Variants in KIRREL3 observed in about 807,000 individuals in gnomAD.
KIRREL3 encodes kirre like nephrin family adhesion molecule 3.
KIRREL3 carries 36 observed loss-of-function variants against 89.7 expected under a neutral mutation model. The ratio of observed to expected loss-of-function variants is 0.40; its 90% CI spans 0.31 to 0.53. The LOEUF (loss-of-function observed/expected upper bound fraction) is 0.53, where lower values mean the gene tolerates loss of function less well. Among genes scored for constraint, KIRREL3 ranks in the 20% least tolerant of loss-of-function variants. The probability of loss-of-function intolerance (pLI) is 0.49; values close to 1 mark genes in which losing one functional copy is unlikely to be tolerated. For missense variants in KIRREL3, 864 were observed against 1,056.6 expected, an observed-to-expected ratio of 0.82 and a Z score of 2.53; for synonymous variants, 445 against 441.4, an observed-to-expected ratio of 1.01 and a Z score of -0.10.
rs1481947625 is a variant in KIRREL3, at chr11:126,501,168, CACTTT to C, written c.433+20142_433+20146del. The stretch of plus-strand genomic sequence containing the variant: ...ACTGGTGGACAGCTGGTCCGTCCCA[CACTTT>C]TCTCTGCACGTCTGAGGAGTCCAGG... On this transcript the variant is annotated intron_variant, in intron 4 of 16. Transcript: ENST00000525144. This position sits in a 1 kb window ranked among gnomAD's most constrained non-coding sequence, Gnocchi z 5.8. 6.6e-6 allele frequency among the ~76,000 whole-genome samples: 1 copy of C among 152,232 alleles called. No homozygotes were observed. The highest frequency in any genetic ancestry group is 1.5e-5 in the Non-Finnish European group (1 of 68,042).
intron 1 of KIRREL3, among the ~76,000 whole-genome samples, chr11:126,718,401 A>C (rs1437135395): frequency 6.6e-6 from 1 of 152,260 alleles, no homozygotes. Context: ...TGCCATAGAA[A>C]GATGACTCAC....
intron 1 of KIRREL3, among the ~76,000 whole-genome samples, chr11:126,927,800 T>C (rs945772460): frequency 1.3e-5 from 2 of 152,200 alleles, no homozygotes; most frequent in Admixed American, 1.3e-4. Flanking sequence ...TAGCTCTTCT[T>C]AGAAGGTGTG....
rs1459890179 is a variant in KIRREL3 at position 126,814,874 on chromosome 11, G to A, written c.55+185581C>T. ...TTCATCGGTGCAGCGAACCACCATG[G>A]CACACGTATCTATGTAACAAACCTG... On this transcript the variant is annotated intron_variant, in intron 1 of 16. Coordinates refer to ENST00000525144, the MANE Select transcript of KIRREL3 (RefSeq NM_032531.4). The surrounding 1 kb of genome is among the most constrained non-coding windows in gnomAD (Gnocchi z 4.4). Among the ~76,000 whole-genome samples the A allele has an allele frequency of 6.6e-6, 1 of 152,114 alleles. No homozygotes were observed. Among genetic ancestry groups the A allele is most frequent in the African/African-American group, 2.4e-5 (1 of 41,396 alleles).
At position 126,578,233 on chromosome 11, in the gene KIRREL3, C is replaced by G. The variant is rs527876042; in HGVS notation, c.56-15321G>C. ...TAAACAACCCTTAGGATGTTTCGGT[C>G]CTGGGATGCTTGCAGCCCAGGAAAT... On this transcript the variant is annotated intron_variant, in intron 1 of 16. Transcript: ENST00000525144. This position sits in a 1 kb window ranked among gnomAD's most constrained non-coding sequence, Gnocchi z 4.9. Among the ~76,000 whole-genome samples, 3 of 152,290 alleles carry G rather than the reference C, an allele frequency of 2.0e-5. No individual in the cohort carries two copies. The East Asian group carries it at 5.8e-4, about 29-fold the overall frequency.
chr11:126,725,477 C>A (rs1304138252), intron 1 of KIRREL3, among the ~76,000 whole-genome samples: 1 of 152,236 alleles, frequency 6.6e-6, no homozygotes, highest in African/African-American at 2.4e-5. Flanking sequence ...CATCTCCATA[C>A]ATCTCATTGT....
Position 126,830,182 on chromosome 11 carries a change from T to TAATC in KIRREL3, c.55+170269_55+170272dup, listed in dbSNP as rs1306637081. 2.6e-5 allele frequency among the ~76,000 whole-genome samples: 4 copies of TAATC among 152,234 alleles called. No homozygotes were observed. The East Asian group carries it at 7.7e-4, about 29-fold the overall frequency. On this transcript the variant is annotated intron_variant, in intron 1 of 16. Transcript: ENST00000525144. This position sits in a 1 kb window ranked among gnomAD's most constrained non-coding sequence, Gnocchi z 4.9. ...TTGTTCATGAATGAACAACCCTTGC[T>TAATC]AATCACTCTGGTCAATATTTATCAT...
At chr11:126,939,104 G>A (rs1055580976) in intron 1 of KIRREL3, among the ~76,000 whole-genome samples, 2 of 152,230 alleles carry the variant, frequency 1.3e-5, no homozygotes, top group African/African-American at 2.4e-5. Context: ...AGTATTGGTA[G>A]TTTCTAGTAG....
chr11:126,557,464 T>A lies in KIRREL3; in HGVS notation c.133+5371A>T, dbSNP rs905483575. 6.6e-6 allele frequency among the ~76,000 whole-genome samples: 1 copy of A among 152,126 alleles called. No homozygotes were observed. Among genetic ancestry groups the A allele is most frequent in the Non-Finnish European group, 1.5e-5 (1 of 68,018 alleles). ...TCATCACATTTTAGAGACATACAGG[T>A]CATCTTATGAAACATGATTCCATTT... On this transcript the variant is annotated intron_variant, in intron 2 of 16. Coordinates refer to ENST00000525144, the MANE Select transcript of KIRREL3 (RefSeq NM_032531.4). The surrounding 1 kb of genome is among the most constrained non-coding windows in gnomAD (Gnocchi z 5.6).
chr11:126,892,558 A>G lies in KIRREL3; in HGVS notation c.55+107897T>C, dbSNP rs1258983845. The stretch of plus-strand genomic sequence containing the variant: ...TTTCACAGCCTTATTACAAATGCTG[A>G]GCACAGCTAGAAGTAAGGCCTGGCT... On this transcript the variant is annotated intron_variant, in intron 1 of 16. Coordinates refer to ENST00000525144, the MANE Select transcript of KIRREL3 (RefSeq NM_032531.4). The surrounding 1 kb of genome is among the most constrained non-coding windows in gnomAD (Gnocchi z 5.4). Among the ~76,000 whole-genome samples the G allele has an allele frequency of 6.6e-6, 1 of 152,184 alleles. No homozygotes were observed. Among genetic ancestry groups the G allele is most frequent in the Non-Finnish European group, 1.5e-5 (1 of 68,036 alleles).
Position 126,612,608 on chromosome 11 carries a change from A to G in KIRREL3, c.56-49696T>C, listed in dbSNP as rs1197214380. ...ATTTTGCAACCATGGCCATGACCTC[A>G]TTTTGGAACAATTTCATCGCCCCCA... On this transcript the variant is annotated intron_variant, in intron 1 of 16. Coordinates refer to ENST00000525144, the MANE Select transcript of KIRREL3 (RefSeq NM_032531.4). The surrounding 1 kb of genome is among the most constrained non-coding windows in gnomAD (Gnocchi z 4.5). Among the ~76,000 whole-genome samples, 1 of 152,208 alleles carries G rather than the reference A, an allele frequency of 6.6e-6. No homozygotes were observed. The highest frequency in any genetic ancestry group is 2.4e-5 in the African/African-American group (1 of 41,454).
intron 4 of KIRREL3, among the ~76,000 whole-genome samples, chr11:126,493,527 T>G (rs1236205987): frequency 6.6e-6 from 1 of 151,584 alleles, no homozygotes; most frequent in African/African-American, 2.4e-5. Flanking sequence ...TGGTGGTGGG[T>G]GCCTGTAGTC....
Position 126,669,173 on chromosome 11 carries a change from T to C in KIRREL3, c.56-106261A>G, listed in dbSNP as rs1476141723. Among the ~76,000 whole-genome samples the C allele has an allele frequency of 6.6e-6, 1 of 152,200 alleles. No homozygotes were observed. Among genetic ancestry groups the C allele is most frequent in the East Asian group, 1.9e-4 (1 of 5,194 alleles). ...TGCTTCTCTGGGGTATGGGTCTTCATCTTGTTTGTTATGGCAAGAATTCCC... is the reference window on the plus strand; with the variant it reads ...TGCTTCTCTGGGGTATGGGTCTTCACCTTGTTTGTTATGGCAAGAATTCCC... On this transcript the variant is annotated intron_variant, in intron 1 of 16. Transcript: ENST00000525144. This position sits in a 1 kb window ranked among gnomAD's most constrained non-coding sequence, Gnocchi z 5.0.
In KIRREL3 at chr11:126,609,804, C is replaced by T. The variant is rs1331137350; in HGVS notation, c.56-46892G>A. On this transcript the variant is annotated intron_variant, in intron 1 of 16. Transcript: ENST00000525144. This position sits in a 1 kb window ranked among gnomAD's most constrained non-coding sequence, Gnocchi z 5.0. Reference sequence around the variant, plus strand: ...AATATACAGCAAAAGTTGAGAGCCACTCGCAGCTCCAGCACATTCTTACTG... The same window carrying T: ...AATATACAGCAAAAGTTGAGAGCCATTCGCAGCTCCAGCACATTCTTACTG... 6.6e-6 allele frequency among the ~76,000 whole-genome samples: 1 copy of T among 152,174 alleles called. No homozygotes were observed. The highest frequency in any genetic ancestry group is 1.5e-5 in the Non-Finnish European group (1 of 68,028).
At chr11:126,746,943 A>T (rs895132614) in intron 1 of KIRREL3, among the ~76,000 whole-genome samples, 1 of 152,172 alleles carries the variant, frequency 6.6e-6, no homozygotes, top group Non-Finnish European at 1.5e-5. Flanking sequence ...CACACTGAGG[A>T]TAGACAGTGT....
At position 126,486,394 on chromosome 11, in the gene KIRREL3, C is replaced by T. The variant is rs1047056732; in HGVS notation, c.434-12928G>A. Among the ~76,000 whole-genome samples, 5 of 152,170 alleles carry T rather than the reference C, an allele frequency of 3.3e-5. No individual in the cohort carries two copies. Among genetic ancestry groups the T allele is most frequent in the African/African-American group, 1.2e-4 (5 of 41,434 alleles). On this transcript the variant is annotated intron_variant, in intron 4 of 16. Coordinates refer to ENST00000525144, the MANE Select transcript of KIRREL3 (RefSeq NM_032531.4). The surrounding 1 kb of genome is among the most constrained non-coding windows in gnomAD (Gnocchi z 6.2). ...GCTTACACTCACCCTCCCAGTCCTGCGGAGCGAGAGACTTTCTCCTTTCTC... is the reference window on the plus strand; with the variant it reads ...GCTTACACTCACCCTCCCAGTCCTGTGGAGCGAGAGACTTTCTCCTTTCTC...
rs928581546 is a variant in KIRREL3, at chr11:126,724,456, G to T, written c.56-161544C>A. Among the ~76,000 whole-genome samples the T allele has an allele frequency of 2.0e-5, 3 of 152,180 alleles. No homozygotes were observed. The highest frequency in any genetic ancestry group is 4.4e-5 in the Non-Finnish European group (3 of 68,026). On this transcript the variant is annotated intron_variant, in intron 1 of 16. Coordinates refer to ENST00000525144, the MANE Select transcript of KIRREL3 (RefSeq NM_032531.4). The surrounding 1 kb of genome is among the most constrained non-coding windows in gnomAD (Gnocchi z 4.3). ...GAGCCAGCAGATGGACACCCTGGAG[G>T]TTCGGAGCCATGTCACTCCCTATCA... is the stretch of plus-strand genomic sequence containing the variant.
chr11:126,442,347 CACACACAA>C (rs1253089097), intron 10 of KIRREL3, among the ~76,000 whole-genome samples: 13 of 132,362 alleles, frequency 9.8e-5, no homozygotes, highest in Admixed American at 2.2e-4. Flanking sequence ...CACACACACA[CACACACAA>C]AACCTTTTCC....
rs373140726 is a variant in KIRREL3 at position 126,541,873 on chromosome 11, G to A, written c.134-15186C>T. Among the ~76,000 whole-genome samples the A allele has an allele frequency of 2.1e-4, 32 of 152,332 alleles. No individual in the cohort carries two copies. Among genetic ancestry groups the A allele is most frequent in the Admixed American group, 5.9e-4 (9 of 15,312 alleles). On this transcript the variant is annotated intron_variant, in intron 2 of 16. Coordinates refer to ENST00000525144, the MANE Select transcript of KIRREL3 (RefSeq NM_032531.4). The surrounding 1 kb of genome is among the most constrained non-coding windows in gnomAD (Gnocchi z 4.8). ...CGCATTGATGTTCCCACTGCACAGT[G>A]AAGGCATTTTCACACCTTTTGAAAG...
At chr11:126,866,108 G>C (rs1449003235) in intron 1 of KIRREL3, among the ~76,000 whole-genome samples, 1 of 152,258 alleles carries the variant, frequency 6.6e-6, no homozygotes, top group Non-Finnish European at 1.5e-5. Context: ...AGAAGAAAGA[G>C]AAATATGTAT....
Sources: gnomAD v4.1 joint callset for allele counts (sites outside exome capture counted in the v4.1 genomes callset) on GRCh38, gnomAD v4.1.1 for gene constraint, Gnocchi (gnomAD v3.1) non-coding constraint, MANE v1.5 for transcripts, NCBI Gene and HGNC (gene_info 2026-07-23, HGNC 2026-07-21) for gene names.